KCNIP1: variants seen among roughly 807,000 people sequenced by gnomAD.
KCNIP1 encodes potassium voltage-gated channel interacting protein 1, also known as A-type potassium channel modulatory protein KCNIP1.
KCNIP1 carries 18 observed loss-of-function variants against 33.0 expected under a neutral mutation model. The observed-to-expected ratio is 0.55, with a 90% CI of 0.38 to 0.81. KCNIP1 has a LOEUF of 0.81. Ranked by LOEUF, KCNIP1 falls within the 30% of genes least tolerant of loss-of-function variation. The pLI, the probability that KCNIP1 is intolerant of heterozygous loss-of-function variation, is 0.00. For missense variants in KCNIP1, 238 were observed against 271.6 expected (o/e 0.88, Z 0.87); for synonymous variants, 93 against 98.3 (o/e 0.95, Z 0.32).
intron 1 of KCNIP1, among the ~76,000 whole-genome samples, chr5:170,463,214 C>G (rs966490147): frequency 3.3e-5 from 5 of 152,106 alleles, no homozygotes; most frequent in African/African-American, 1.2e-4. Flanking sequence ...AGCTTAAGCC[C>G]AGACAGCTTC....
intron 1 of KCNIP1, among the ~76,000 whole-genome samples, chr5:170,662,493 A>G (rs554380116): frequency 6.8e-4 from 103 of 152,244 alleles, no homozygotes; most frequent in African/African-American, 2.2e-3. Context: ...AGGAGATGCT[A>G]ATCTCTCGGA....
chr5:170,362,859 C>T (rs929545475), intron 1 of KCNIP1, among the ~76,000 whole-genome samples: 3 of 152,226 alleles, frequency 2.0e-5, no homozygotes, highest in African/African-American at 7.2e-5. Flanking sequence ...CCCAGGCTTA[C>T]TGCTCGGTGT....
At chr5:170,539,381 T>C (rs961161459) in intron 1 of KCNIP1, among the ~76,000 whole-genome samples, 2 of 152,168 alleles carry the variant, frequency 1.3e-5, no homozygotes, top group African/African-American at 4.8e-5. Context: ...CCTGCTGACC[T>C]CCCATCTTTC....
chr5:170,668,964 T>C (rs1380518010), intron 1 of KCNIP1, among the ~76,000 whole-genome samples: 3 of 152,168 alleles, frequency 2.0e-5, no homozygotes, highest in Non-Finnish European at 4.4e-5. Context: ...TAGTCTTACC[T>C]TCTTGGGGAA....
At chr5:170,622,069 A>G (rs1759624513) in intron 1 of KCNIP1, among the ~76,000 whole-genome samples, 1 of 152,196 alleles carries the variant, frequency 6.6e-6, no homozygotes, top group Admixed American at 6.5e-5. Flanking sequence ...AAAACTGGAA[A>G]TAATACTGCT....
intron 1 of KCNIP1, among the ~76,000 whole-genome samples, chr5:170,554,899 G>A (rs1756789618): frequency 6.6e-6 from 1 of 152,126 alleles, no homozygotes; most frequent in Non-Finnish European, 1.5e-5. Flanking sequence ...CATTTAGGGT[G>A]GGCTTTTAAT....
intron 1 of KCNIP1, among the ~76,000 whole-genome samples, chr5:170,645,018 G>T (rs940685249): frequency 6.6e-6 from 1 of 152,208 alleles, no homozygotes; most frequent in Admixed American, 6.5e-5. Context: ...TCTAGTGCTG[G>T]CTCAGTGGCT....
intron 1 of KCNIP1, among the ~76,000 whole-genome samples, chr5:170,427,433 C>T (rs570076036): frequency 5.3e-5 from 8 of 152,314 alleles, no homozygotes; most frequent in African/African-American, 1.7e-4. Context: ...CCCTATGAGG[C>T]GGGCATTCTT....
rs150805505 is a variant in KCNIP1, at chr5:170,580,821, G to A, written c.61+76188G>A. 1.5e-4 allele frequency among the ~76,000 whole-genome samples: 23 copies of A among 151,788 alleles called. No individual in the cohort carries two copies. In the East Asian group the frequency reaches 4.3e-3, roughly 28 times the overall value. On this transcript the variant is annotated intron_variant, in intron 1 of 7. Coordinates refer to ENST00000328939, the MANE Select transcript of KCNIP1 (RefSeq NM_014592.4). Reference sequence around the variant, plus strand: ...GTCCAAGAGTTACAAGGCCTAATGAGGTGAATTAATGCCAGCATATAAGGA... The same window carrying A: ...GTCCAAGAGTTACAAGGCCTAATGAAGTGAATTAATGCCAGCATATAAGGA...
At chr5:170,538,694 C>T (rs1356757483) in intron 1 of KCNIP1, among the ~76,000 whole-genome samples, 1 of 151,826 alleles carries the variant, frequency 6.6e-6, no homozygotes, top group African/African-American at 2.4e-5. Flanking sequence ...AGTTTATGGA[C>T]TGTCCATCTT....
chr5:170,459,583 T>A (rs1756460820), intron 1 of KCNIP1, among the ~76,000 whole-genome samples: 1 of 152,186 alleles, frequency 6.6e-6, no homozygotes, highest in Non-Finnish European at 1.5e-5. Flanking sequence ...AACCTGCTCC[T>A]GAATATCACT....
intron 1 of KCNIP1, among the ~76,000 whole-genome samples, chr5:170,392,802 C>T (rs1231078702): frequency 3.9e-5 from 6 of 152,128 alleles, no homozygotes; most frequent in South Asian, 2.1e-4. Flanking sequence ...CCAGCCTGGG[C>T]GACAGAGTGA....
Position 170,664,210 on chromosome 5 carries a change from C to T in KCNIP1, c.62-54548C>T, listed in dbSNP as rs187313008. The stretch of plus-strand genomic sequence containing the variant: ...TCCTGCACCCCCATCCACTCTTGCA[C>T]ATCCTGCACTCTATGTCTGAACAGC... On this transcript the variant is annotated intron_variant, in intron 1 of 7. Transcript: ENST00000328939. Among the ~76,000 whole-genome samples, 215 of 152,308 alleles carry T rather than the reference C, an allele frequency of 1.4e-3. 4 individuals carry two copies. The highest frequency in any genetic ancestry group is 0.013 in the Admixed American group (204 of 15,304).
intron 1 of KCNIP1, among the ~76,000 whole-genome samples, chr5:170,656,420 G>C (rs1371102892): frequency 6.6e-6 from 1 of 152,210 alleles, no homozygotes; most frequent in Non-Finnish European, 1.5e-5. Flanking sequence ...ACTAGTAGCA[G>C]GAAGCTACTA....
chr5:170,652,937 C>T (rs1163267448), intron 1 of KCNIP1, among the ~76,000 whole-genome samples: 3 of 152,218 alleles, frequency 2.0e-5, no homozygotes, highest in African/African-American at 4.8e-5. Flanking sequence ...AACAAAAAAA[C>T]GAAGGCCCTG....
intron 1 of KCNIP1, chr5:170,561,045 C>T: frequency 2.2e-6 from 1 of 453,084 alleles, no homozygotes; most frequent in Admixed American, 2.4e-5. Context: ...GGGCAGGAGC[C>T]CAGCCTCCTG....
At chr5:170,379,196 A>C (rs1764138854) in intron 1 of KCNIP1, among the ~76,000 whole-genome samples, 1 of 152,134 alleles carries the variant, frequency 6.6e-6, no homozygotes, top group African/African-American at 2.4e-5. Context: ...CTCGGGGTAC[A>C]GGCTACACAC....
intron 1 of KCNIP1, 113 bp from the exon 2 acceptor site, chr5:170,718,645 C>A (rs773248996): frequency 1.5e-5 from 19 of 1,265,628 alleles, no homozygotes; most frequent in Non-Finnish European, 2.1e-5. Flanking sequence ...GTGACCCCAG[C>A]CCACAGTCCT....
chr5:170,381,069 A>G (rs956690646), intron 1 of KCNIP1, among the ~76,000 whole-genome samples: 2 of 152,246 alleles, frequency 1.3e-5, no homozygotes, highest in Non-Finnish European at 2.9e-5. Context: ...AAAGAGGTCT[A>G]TGGATGAGCT....
Sources: gnomAD v4.1 joint callset for allele counts (sites outside exome capture counted in the v4.1 genomes callset) on GRCh38, gnomAD v4.1.1 for gene constraint, MANE v1.5 for transcripts, NCBI Gene and HGNC (gene_info 2026-07-23, HGNC 2026-07-21) for gene names.